The following TRDN variants were observed in gnomAD, a reference collection of about 807,000 sequenced individuals.
The protein encoded by TRDN is triadin.
TRDN carries 161 observed loss-of-function variants against 149.7 expected under a neutral mutation model. That is an observed-to-expected ratio of 1.08 (90% CI 0.95 to 1.23). The LOEUF (loss-of-function observed/expected upper bound fraction) is 1.23. TRDN is among the 50% of genes most tolerant of loss of function. The pLI is 0.00. For synonymous variants in TRDN, 294 were observed against 250.5 expected (o/e 1.17, Z -1.64); for missense variants, 896 against 823.5 (o/e 1.09, Z -1.08).
Position 123,570,737 on chromosome 6 carries a change from G to A in TRDN, c.232+186C>T, listed in dbSNP as rs13200076. Among the ~76,000 whole-genome samples the A allele has an allele frequency of 0.18, 27,036 of 151,968 alleles. 3,121 individuals carry two copies. The highest frequency in any genetic ancestry group is 0.26 in the Non-Finnish European group (17,694 of 67,958). The stretch of plus-strand genomic sequence containing the variant: ...TCATTGGAAATCAATAAGTACCACC[G>A]ACAAAGAAAGAGAATAGGAGGAAAA... On this transcript the variant is annotated intron_variant, in intron 2 of 40. Transcript: ENST00000334268.
chr6:123,634,511 G>T (rs755290899), intron 1 of TRDN, among the ~76,000 whole-genome samples: 1 of 151,856 alleles, frequency 6.6e-6, no homozygotes, highest in South Asian at 2.1e-4. Flanking sequence ...GACTATTTCA[G>T]GCTCAGAAAA....
chr6:123,218,426 A>G lies in TRDN; in HGVS notation c.*175T>C. On this transcript the variant is annotated 3_prime_UTR_variant, in exon 41 of 41. Coordinates refer to ENST00000334268, the MANE Select transcript of TRDN (RefSeq NM_006073.4). ...ATTCTTGAGACTTAGACCCTTAAAC[A>G]TGTCTGCTCATCACTCAATCCATTT... 6.2e-6 allele frequency: 4 copies of G among 640,276 alleles called. No homozygotes were observed. In the South Asian group the frequency reaches 6.4e-5, roughly 10 times the overall value. 39.7% of individuals were successfully genotyped at this position (640,276 alleles called of 1,614,324 possible). A position where few individuals can be genotyped will look rare whatever the true frequency, so the allele number is the denominator to read the frequency against.
chr6:123,558,076 C>T (rs1306472065), intron 2 of TRDN, among the ~76,000 whole-genome samples: 1 of 152,052 alleles, frequency 6.6e-6, no homozygotes, highest in Non-Finnish European at 1.5e-5. Flanking sequence ...AAATTCTTGT[C>T]CTAAAATGGG....
chr6:123,266,820 GTAGA>G (rs1456901056), intron 32 of TRDN, among the ~76,000 whole-genome samples: 10 of 130,746 alleles, frequency 7.6e-5, no homozygotes, highest in African/African-American at 2.6e-4. Flanking sequence ...ATTTGTACTG[GTAGA>G]TAGATAATGC....
At chr6:123,608,497 T>C (rs1225785870) in intron 1 of TRDN, among the ~76,000 whole-genome samples, 1 of 152,198 alleles carries the variant, frequency 6.6e-6, no homozygotes, top group East Asian at 1.9e-4. Flanking sequence ...AAGGGCTATA[T>C]ATTTCAAATA....
rs189094120 is a variant in TRDN, at chr6:123,338,393, C to T, written c.1370-724G>A. ...AGGTGATGCTGTGTGACTTCCAAGG[C>T]GAAATCAAAAAAGGTCATGCAGTAT... On this transcript the variant is annotated intron_variant, in intron 21 of 40. Coordinates refer to ENST00000334268, the MANE Select transcript of TRDN (RefSeq NM_006073.4). Among the ~76,000 whole-genome samples the T allele has an allele frequency of 1.1e-4, 17 of 152,048 alleles. No individual in the cohort carries two copies. In the East Asian group the frequency reaches 1.7e-3, roughly 16 times the overall value.
intron 1 of TRDN, among the ~76,000 whole-genome samples, chr6:123,589,657 A>G (rs1279391506): frequency 1.3e-5 from 2 of 152,108 alleles, no homozygotes; most frequent in East Asian, 3.9e-4. Context: ...TAATCACACT[A>G]TTGTGTCACA....
At chr6:123,507,843 A>ATT (rs1484321936) in intron 7 of TRDN, among the ~76,000 whole-genome samples, 10 of 152,330 alleles carry the variant, frequency 6.6e-5, no homozygotes, top group Non-Finnish European at 1.2e-4. Context: ...TCAGATTCAG[A>ATT]ATGTCTGATG....
intron 9 of TRDN, among the ~76,000 whole-genome samples, chr6:123,480,472 T>C (rs1170453365): frequency 6.6e-6 from 1 of 152,094 alleles, no homozygotes; most frequent in African/African-American, 2.4e-5. Flanking sequence ...GGCGGTTGTT[T>C]ACCAACGAAG....
At chr6:123,246,863 G>A (rs1484300100) in intron 38 of TRDN, among the ~76,000 whole-genome samples, 3 of 151,682 alleles carry the variant, frequency 2.0e-5, no homozygotes, top group African/African-American at 7.3e-5. Context: ...ATAAAATACT[G>A]ACAAACCGAA....
intron 5 of TRDN, among the ~76,000 whole-genome samples, chr6:123,527,159 C>T (rs776033205): frequency 6.6e-6 from 1 of 151,862 alleles, no homozygotes; most frequent in East Asian, 1.9e-4. Flanking sequence ...GGTAACATCA[C>T]CCTTTATGAA....
intron 8 of TRDN, chr6:123,502,747 C>T: frequency 1.0e-6 from 1 of 984,514 alleles, no homozygotes; most frequent in Non-Finnish European, 1.2e-6. Flanking sequence ...TTGATACAGT[C>T]CTTAGATAAC....
At chr6:123,412,855 A>G (rs925551227) in intron 12 of TRDN, among the ~76,000 whole-genome samples, 3 of 152,206 alleles carry the variant, frequency 2.0e-5, no homozygotes, top group Admixed American at 6.5e-5. Flanking sequence ...TGATAAAATC[A>G]TAAGAAAAAA....
intron 39 of TRDN, among the ~76,000 whole-genome samples, chr6:123,223,688 C>CCTTT (rs934602122): frequency 7.6e-6 from 1 of 131,588 alleles, no homozygotes; most frequent in Non-Finnish European, 1.6e-5. Context: ...TTCCTTCCTT[C>CCTTT]CTTCCTTCCT....
chr6:123,265,395 G>C (rs1265914892), intron 32 of TRDN, 57 bp from the exon 33 acceptor site: 36 of 1,137,276 alleles, frequency 3.2e-5, no homozygotes, highest in Non-Finnish European at 4.1e-5. Context: ...ATCTATGGGT[G>C]ACATATCAGC....
chr6:123,307,148 T>C (rs1237929439), intron 24 of TRDN, among the ~76,000 whole-genome samples: 1 of 152,044 alleles, frequency 6.6e-6, no homozygotes, highest in African/African-American at 2.4e-5. Flanking sequence ...GCAATAAATG[T>C]TATTGGTCAC....
At chr6:123,530,217 T>C (rs1308162696) in intron 5 of TRDN, among the ~76,000 whole-genome samples, 1 of 152,056 alleles carries the variant, frequency 6.6e-6, no homozygotes, top group East Asian at 1.9e-4. Context: ...ATTTCCTCAG[T>C]AAATCAATAT....
At chr6:123,474,783 G>A (rs374357426) in intron 9 of TRDN, among the ~76,000 whole-genome samples, 4,157 of 151,610 alleles carry the variant, frequency 0.027, 157 homozygotes, top group East Asian at 0.09. Context: ...ACTCAAAACC[G>A]CTCAACTACA....
intron 12 of TRDN, among the ~76,000 whole-genome samples, chr6:123,412,288 A>C (rs1773474719): frequency 6.6e-6 from 1 of 152,240 alleles, no homozygotes. Context: ...GTAAATTTAA[A>C]GATTAGGCAG....
Sources: gnomAD v4.1 joint callset for allele counts (sites outside exome capture counted in the v4.1 genomes callset) on GRCh38, gnomAD v4.1.1 for gene constraint, MANE v1.5 for transcripts, NCBI Gene and HGNC (gene_info 2026-07-23, HGNC 2026-07-21) for gene names.